Variants in LHPP observed in about 807,000 individuals in gnomAD.
The protein encoded by LHPP is phospholysine phosphohistidine inorganic pyrophosphate phosphatase.
Under a neutral mutation model 30.3 loss-of-function variants are expected in LHPP, and 24 were observed. The ratio of observed to expected loss-of-function variants is 0.79; its 90% CI spans 0.57 to 1.11. The LOEUF (loss-of-function observed/expected upper bound fraction) is 1.11, where lower values mean the gene tolerates loss of function less well. LHPP is among the 50% of genes most tolerant of loss of function. The probability of loss-of-function intolerance (pLI) is 0.00; values close to 1 mark genes in which losing one functional copy is unlikely to be tolerated. For missense variants in LHPP, 356 were observed against 367.2 expected (o/e 0.97, Z 0.25); for synonymous variants, 150 against 157.1 (o/e 0.95, Z 0.34).
intron 6 of LHPP, among the ~76,000 whole-genome samples, chr10:124,518,892 G>A (rs1368865983): frequency 1.3e-5 from 2 of 152,130 alleles, no homozygotes; most frequent in Non-Finnish European, 2.9e-5. Context: ...GTACGAGGTG[G>A]GCATCCCCCA....
intron 6 of LHPP, among the ~76,000 whole-genome samples, chr10:124,595,295 G>T (rs1196098927): frequency 1.3e-5 from 2 of 152,236 alleles, no homozygotes; most frequent in Admixed American, 1.3e-4. Flanking sequence ...AGGCTGCCAG[G>T]GGGAGGAGGA....
At chr10:124,564,938 C>T (rs1948464932) in intron 6 of LHPP, among the ~76,000 whole-genome samples, 1 of 152,204 alleles carries the variant, frequency 6.6e-6, no homozygotes, top group African/African-American at 2.4e-5. Flanking sequence ...TATGTTCTCA[C>T]TGATATGTGG....
At chr10:124,597,135 A>G (rs950663608) in intron 6 of LHPP, among the ~76,000 whole-genome samples, 3 of 152,094 alleles carry the variant, frequency 2.0e-5, no homozygotes, top group Non-Finnish European at 4.4e-5. Flanking sequence ...AGCTCTCGGG[A>G]GGTGTCGGCT....
At chr10:124,573,849 G>A (rs1238573480) in intron 6 of LHPP, among the ~76,000 whole-genome samples, 3 of 152,090 alleles carry the variant, frequency 2.0e-5, no homozygotes, top group Admixed American at 6.5e-5. Flanking sequence ...CTTAGCTGTC[G>A]GGGGCTGTGG....
chr10:124,551,489 TC>T (rs1948164941), intron 6 of LHPP, among the ~76,000 whole-genome samples: 1 of 152,030 alleles, frequency 6.6e-6, no homozygotes, highest in Non-Finnish European at 1.5e-5. Context: ...TGCCAGCCCC[TC>T]CCACACTTCC....
intron 4 of LHPP, 53 bp from the exon 5 acceptor site, chr10:124,497,983 T>C (rs890170956): frequency 1.4e-6 from 2 of 1,426,064 alleles, no homozygotes; most frequent in Non-Finnish European, 2.0e-6. Context: ...TGGCTGGGCA[T>C]ACACCTGTTC....
intron 5 of LHPP, among the ~76,000 whole-genome samples, chr10:124,501,882 T>C (rs1246743882): frequency 6.6e-6 from 1 of 151,890 alleles, no homozygotes; most frequent in Non-Finnish European, 1.5e-5. Flanking sequence ...CTGAAGAAGC[T>C]CCGTGACTTG....
In LHPP at chr10:124,464,186, C is replaced by G. The variant is rs1285736756; in HGVS notation, c.125+2199C>G. 2.0e-5 allele frequency among the ~76,000 whole-genome samples: 3 copies of G among 152,158 alleles called. No individual in the cohort carries two copies. In the East Asian group the frequency reaches 5.8e-4, roughly 29 times the overall value. On this transcript the variant is annotated intron_variant, in intron 1 of 6. Coordinates refer to ENST00000368842, the MANE Select transcript of LHPP (RefSeq NM_022126.4). The stretch of plus-strand genomic sequence containing the variant: ...GCTTTGTAAGGCCTCCTGTTGGCAT[C>G]CCAGGTCAGCACTGCCATGTGTTGA...
chr10:124,487,588 G>A (rs1030918688), intron 2 of LHPP, among the ~76,000 whole-genome samples: 1 of 151,892 alleles, frequency 6.6e-6, no homozygotes, highest in South Asian at 2.1e-4. Flanking sequence ...GATTACAGGC[G>A]GCCGCCACCG....
At chr10:124,587,327 G>A (rs1485698891) in intron 6 of LHPP, among the ~76,000 whole-genome samples, 4 of 151,388 alleles carry the variant, frequency 2.6e-5, no homozygotes, top group African/African-American at 7.3e-5. Context: ...AAGCCACCGC[G>A]CCCGGCCTCC....
intron 6 of LHPP, among the ~76,000 whole-genome samples, chr10:124,528,042 T>TACAGGGGCGCCGCCGC (rs11269860): frequency 2.0e-5 from 3 of 151,668 alleles, no homozygotes; most frequent in Admixed American, 6.6e-5. Context: ...GTGCTGGGAT[T>TACAGGGGCGCCGCCGC]ACCCGGCTTG....
intron 1 of LHPP, among the ~76,000 whole-genome samples, chr10:124,477,575 T>A (rs1952989843): frequency 6.6e-6 from 1 of 152,126 alleles, no homozygotes; most frequent in Non-Finnish European, 1.5e-5. Flanking sequence ...CATTACCAAG[T>A]GGGCCCGTCA....
intron 1 of LHPP, among the ~76,000 whole-genome samples, chr10:124,480,202 G>A (rs886233253): frequency 2.0e-5 from 3 of 151,980 alleles, no homozygotes; most frequent in African/African-American, 4.8e-5. Flanking sequence ...CTCTGGTGAC[G>A]GCTCAAAGGG....
rs868051028 is a variant in LHPP at position 124,545,089 on chromosome 10, C to T, written c.716+27818C>T. On this transcript the variant is annotated intron_variant, in intron 6 of 6. Coordinates refer to ENST00000368842, the MANE Select transcript of LHPP (RefSeq NM_022126.4). ...GCTCTGCCTGCCACCTCCCTGGTGCCCCCGCCCCCAGAGCAGAGCTGTCCT... is the reference window on the plus strand; with the variant it reads ...GCTCTGCCTGCCACCTCCCTGGTGCTCCCGCCCCCAGAGCAGAGCTGTCCT... Among the ~76,000 whole-genome samples the T allele has an allele frequency of 4.0e-4, 61 of 152,254 alleles. 1 individual carries two copies. The highest frequency in any genetic ancestry group is 3.4e-3 in the Middle Eastern group (1 of 294).
At chr10:124,481,368 GCCC>G (rs768586976) in intron 1 of LHPP, among the ~76,000 whole-genome samples, 2 of 124,170 alleles carry the variant, frequency 1.6e-5, no homozygotes, top group African/African-American at 6.0e-5. Context: ...TGGCTTATCT[GCCC>G]CCTTTTTTTT....
At position 124,613,409 on chromosome 10, in the gene LHPP, C is replaced by T. The variant is rs777070835; in HGVS notation, c.*49C>T. ...TCCTCCACCCCTGCCTCTCCTCCAC[C>T]CCTGCCTCCCCTCCACCCCTGCCTC... On this transcript the variant is annotated 3_prime_UTR_variant, in exon 7 of 7. Coordinates refer to ENST00000368842, the MANE Select transcript of LHPP (RefSeq NM_022126.4). 7.5e-7 allele frequency: 1 copy of T among 1,326,664 alleles called. No individual in the cohort carries two copies. Among genetic ancestry groups the T allele is most frequent in the Non-Finnish European group, 1.1e-6 (1 of 934,704 alleles). 82.2% of individuals were successfully genotyped at this position (1,326,664 alleles called of 1,614,324 possible).
intron 5 of LHPP, among the ~76,000 whole-genome samples, chr10:124,509,225 C>T (rs545214808): frequency 6.6e-6 from 1 of 152,308 alleles, no homozygotes; most frequent in South Asian, 2.1e-4. Context: ...TAGGGGACAG[C>T]TGTCTTTGTG....
chr10:124,470,004 G>C (rs1479598120), intron 1 of LHPP, among the ~76,000 whole-genome samples: 1 of 152,214 alleles, frequency 6.6e-6, no homozygotes, highest in African/African-American at 2.4e-5. Context: ...GGTGCTGCTG[G>C]CCAGGCAGGG....
At chr10:124,537,981 C>A (rs888405913) in intron 6 of LHPP, among the ~76,000 whole-genome samples, 2 of 152,218 alleles carry the variant, frequency 1.3e-5, no homozygotes, top group African/African-American at 4.8e-5. Flanking sequence ...GTCCTTGACC[C>A]CACTCTGACT....
Sources: allele counts gnomAD v4.1 joint callset (sites outside exome capture counted in the v4.1 genomes callset), GRCh38; gene constraint gnomAD v4.1.1; transcripts MANE v1.5; gene names NCBI Gene and HGNC (gene_info 2026-07-23, HGNC 2026-07-21).